Variants in KCNAB1 observed in about 807,000 individuals in gnomAD.
KCNAB1 encodes the protein voltage-gated potassium channel subunit beta-1.
A neutral mutation model predicts 64.6 loss-of-function variants in KCNAB1; 35 were observed. That is an observed-to-expected ratio of 0.54 (90% confidence interval 0.41 to 0.72). The LOEUF (loss-of-function observed/expected upper bound fraction) is 0.72. Among genes scored for constraint, KCNAB1 ranks in the 30% least tolerant of loss-of-function variants. The pLI, the probability that KCNAB1 is intolerant of heterozygous loss-of-function variation, is 0.00. For synonymous variants in KCNAB1, 177 were observed against 183.8 expected, an observed-to-expected ratio of 0.96 and a Z score of 0.30; for missense variants, 401 against 512.9, an observed-to-expected ratio of 0.78 and a Z score of 2.11.
intron 1 of KCNAB1, among the ~76,000 whole-genome samples, chr3:156,302,528 T>A (rs1721223814): frequency 6.6e-6 from 1 of 152,222 alleles, no homozygotes; most frequent in African/African-American, 2.4e-5. Context: ...AATGGGATCA[T>A]TGAAAATGCT....
chr3:156,230,736 T>C (rs1489346748), intron 1 of KCNAB1, among the ~76,000 whole-genome samples: 1 of 152,242 alleles, frequency 6.6e-6, no homozygotes, highest in Non-Finnish European at 1.5e-5. Flanking sequence ...GAGTGGTTTT[T>C]CTTAATAAGA....
At chr3:156,415,422 C>T (rs1416506599) in intron 1 of KCNAB1, among the ~76,000 whole-genome samples, 3 of 152,082 alleles carry the variant, frequency 2.0e-5, no homozygotes, top group Admixed American at 6.5e-5. Context: ...AGGTCACACA[C>T]ATCTGGTGAA....
chr3:156,431,267 G>C (rs993855950), intron 2 of KCNAB1, among the ~76,000 whole-genome samples: 1 of 152,132 alleles, frequency 6.6e-6, no homozygotes, highest in Admixed American at 6.5e-5. Flanking sequence ...TGTTTACCTC[G>C]GGTTTGCCTG....
At chr3:156,331,403 A>G (rs1038236401) in intron 1 of KCNAB1, among the ~76,000 whole-genome samples, 1 of 152,154 alleles carries the variant, frequency 6.6e-6, no homozygotes, top group African/African-American at 2.4e-5. Context: ...AAGCTAGTTC[A>G]GACAGAAGAT....
intron 1 of KCNAB1, among the ~76,000 whole-genome samples, chr3:156,210,295 T>A (rs933337717): frequency 6.6e-6 from 1 of 152,148 alleles, no homozygotes; most frequent in Non-Finnish European, 1.5e-5. Context: ...TTCTGAAGTG[T>A]TGTGTAAAGA....
intron 1 of KCNAB1, among the ~76,000 whole-genome samples, chr3:156,303,807 C>A (rs1449873314): frequency 6.6e-6 from 1 of 152,152 alleles, no homozygotes; most frequent in Non-Finnish European, 1.5e-5. Flanking sequence ...TTACTATCAC[C>A]AGGGTCTGTA....
chr3:156,306,770 A>G (rs764019453), intron 1 of KCNAB1, among the ~76,000 whole-genome samples: 1 of 152,198 alleles, frequency 6.6e-6, no homozygotes, highest in Admixed American at 6.5e-5. Context: ...AGGGGTTTCC[A>G]ACCTCTCCCA....
At chr3:156,253,687 C>G (rs1717954138) in intron 1 of KCNAB1, among the ~76,000 whole-genome samples, 1 of 152,194 alleles carries the variant, frequency 6.6e-6, no homozygotes, top group African/African-American at 2.4e-5. Context: ...GTGAAACTTG[C>G]TTTGTCTAAA....
At chr3:156,297,633 T>G (rs986590358) in intron 1 of KCNAB1, among the ~76,000 whole-genome samples, 1 of 152,198 alleles carries the variant, frequency 6.6e-6, no homozygotes, top group East Asian at 1.9e-4. Flanking sequence ...TTTCAGAGCC[T>G]TTTTATTAAA....
intron 1 of KCNAB1, among the ~76,000 whole-genome samples, chr3:156,394,544 C>T (rs762514837): frequency 2.0e-5 from 3 of 152,092 alleles, no homozygotes; most frequent in Non-Finnish European, 4.4e-5. Flanking sequence ...CATTTGTCAA[C>T]TCCCCATCAC....
intron 3 of KCNAB1, among the ~76,000 whole-genome samples, chr3:156,454,779 G>A (rs1019512924): frequency 9.2e-5 from 14 of 152,210 alleles, no homozygotes; most frequent in Middle Eastern, 3.4e-3. Context: ...GCTTGGAAGG[G>A]AAAAAGACAG....
intron 12 of KCNAB1, among the ~76,000 whole-genome samples, chr3:156,531,016 G>T (rs376094015): frequency 6.6e-6 from 1 of 152,150 alleles, no homozygotes; most frequent in South Asian, 2.1e-4. Context: ...CTTAAGCCCC[G>T]AGCCAACCCA....
chr3:156,279,969 T>C (rs909471395), intron 1 of KCNAB1, among the ~76,000 whole-genome samples: 1 of 150,460 alleles, frequency 6.6e-6, no homozygotes, highest in Non-Finnish European at 1.5e-5. Flanking sequence ...CTCTTTAGTT[T>C]AATTAGATCC....
At chr3:156,169,823 C>T (rs1488888442) in intron 1 of KCNAB1, among the ~76,000 whole-genome samples, 2 of 152,202 alleles carry the variant, frequency 1.3e-5, no homozygotes, top group Non-Finnish European at 2.9e-5. Context: ...CTGCAGCCTC[C>T]CCAGCCATGC....
intron 1 of KCNAB1, among the ~76,000 whole-genome samples, chr3:156,170,550 G>T (rs757169857): frequency 2.0e-5 from 3 of 152,162 alleles, no homozygotes; most frequent in Non-Finnish European, 4.4e-5. Flanking sequence ...TCAGCTATTT[G>T]TTGTTTGGAA....
intron 1 of KCNAB1, among the ~76,000 whole-genome samples, chr3:156,406,204 GT>G (rs1714235667): frequency 6.6e-6 from 1 of 152,218 alleles, no homozygotes; most frequent in African/African-American, 2.4e-5. Context: ...ATACAAGACT[GT>G]AGAGGAGAAT....
chr3:156,368,583 T>C (rs1165096124), intron 1 of KCNAB1, among the ~76,000 whole-genome samples: 2 of 152,214 alleles, frequency 1.3e-5, no homozygotes, highest in East Asian at 3.8e-4. Context: ...TTTCAACTGT[T>C]ATTTGCAAAT....
chr3:156,514,311 A>G, intron 8 of KCNAB1, 53 bp from the exon 9 acceptor site: 1 of 1,436,848 alleles, frequency 7.0e-7, no homozygotes, highest in Admixed American at 1.7e-5. Context: ...AAAATCGCAT[A>G]ACTTTGAAAA....
At chr3:156,463,792 CT>C in intron 6 of KCNAB1, 46 bp downstream of exon 6, 1 of 1,452,836 alleles carries the variant, frequency 6.9e-7, no homozygotes, top group South Asian at 1.2e-5. Flanking sequence ...GTAGTTCATG[CT>C]TTTTTGCTGT....
Sources: gnomAD v4.1 joint callset for allele counts (sites outside exome capture counted in the v4.1 genomes callset) on GRCh38, gnomAD v4.1.1 for gene constraint, MANE v1.5 for transcripts, NCBI Gene and HGNC (gene_info 2026-07-23, HGNC 2026-07-21) for gene names.